Variants in ARHGEF38 observed in about 807,000 individuals in gnomAD.
ARHGEF38 encodes Rho guanine nucleotide exchange factor 38.
A neutral mutation model predicts 79.9 loss-of-function variants in ARHGEF38; 79 were observed. The observed-to-expected ratio is 0.99, with a 90% CI of 0.82 to 1.19. The LOEUF is 1.19. Among genes scored for constraint, ARHGEF38 ranks in the 50% most tolerant of loss-of-function variants. The pLI is 0.00. For missense variants in ARHGEF38, 962 were observed against 907.2 expected (o/e 1.06, Z -0.78); for synonymous variants, 366 against 328.3 (o/e 1.11, Z -1.24).
chr4:105,634,657 G>A (rs1177714948), intron 4 of ARHGEF38, among the ~76,000 whole-genome samples: 1 of 152,098 alleles, frequency 6.6e-6, no homozygotes, highest in Non-Finnish European at 1.5e-5. Flanking sequence ...TAAAGTCCCT[G>A]CTGCATTTCA....
At chr4:105,582,644 A>G (rs1578276844) in intron 1 of ARHGEF38, among the ~76,000 whole-genome samples, 1 of 152,110 alleles carries the variant, frequency 6.6e-6, no homozygotes. Context: ...TTAATTTATA[A>G]TGTATTTCTT....
intron 13 of ARHGEF38, among the ~76,000 whole-genome samples, chr4:105,674,075 G>T (rs1334675988): frequency 2.0e-5 from 3 of 152,132 alleles, no homozygotes; most frequent in Non-Finnish European, 4.4e-5. Flanking sequence ...AGTGAAGTCA[G>T]GTAATGTGGC....
At position 105,679,777 on chromosome 4, in the gene ARHGEF38, C is replaced by T. The variant is rs550670697; in HGVS notation, c.*1840C>T. 39 of 971,354 alleles carry T rather than the reference C, an allele frequency of 4.0e-5. No homozygotes were observed. The East Asian group carries it at 8.6e-4, about 21-fold the overall frequency. 60.2% of individuals were successfully genotyped at this position (971,354 alleles called of 1,614,324 possible). A position where few individuals can be genotyped will look rare whatever the true frequency, so the allele number is the denominator to read the frequency against. On this transcript the variant is annotated 3_prime_UTR_variant, in exon 14 of 14. Coordinates refer to ENST00000420470, the MANE Select transcript of ARHGEF38 (RefSeq NM_001242729.2). ...TTGGTTGATAAAAACATATACAAAC[C>T]CCTGTCTGTCCAGCTTTACCCACGC...
intron 1 of ARHGEF38, among the ~76,000 whole-genome samples, chr4:105,579,338 G>T (rs1235988717): frequency 6.6e-6 from 1 of 152,096 alleles, no homozygotes; most frequent in African/African-American, 2.4e-5. Context: ...TTCAGCTTTT[G>T]CCCATTTAGT....
At chr4:105,574,726 A>C (rs1262958492) in intron 1 of ARHGEF38, among the ~76,000 whole-genome samples, 3 of 152,026 alleles carry the variant, frequency 2.0e-5, no homozygotes, top group Non-Finnish European at 4.4e-5. Flanking sequence ...GGATTAAAAA[A>C]ATTTTTTATT....
intron 7 of ARHGEF38, among the ~76,000 whole-genome samples, chr4:105,653,557 G>A (rs111416890): frequency 0.011 from 1,687 of 152,160 alleles, 40 homozygotes; most frequent in African/African-American, 0.038. Context: ...TCCTGACCTC[G>A]TGATCCGCCC....
chr4:105,639,751 A>C (rs1286988175), intron 5 of ARHGEF38, among the ~76,000 whole-genome samples: 1 of 152,050 alleles, frequency 6.6e-6, no homozygotes, highest in African/African-American at 2.4e-5. Context: ...ATGTATCAAT[A>C]CCAAACTGCT....
intron 2 of ARHGEF38, among the ~76,000 whole-genome samples, chr4:105,594,559 A>G (rs1727491581): frequency 1.3e-5 from 2 of 152,226 alleles, no homozygotes; most frequent in Admixed American, 6.5e-5. Flanking sequence ...CACTCCCAGT[A>G]AAAACAAAAC....
At chr4:105,603,315 A>G (rs150905803) in intron 2 of ARHGEF38, among the ~76,000 whole-genome samples, 89 of 152,266 alleles carry the variant, frequency 5.8e-4, no homozygotes, top group African/African-American at 2.1e-3. Flanking sequence ...ACTTATCCAA[A>G]GTCACACAGC....
chr4:105,630,172 T>C (rs1321268008), intron 3 of ARHGEF38, among the ~76,000 whole-genome samples: 1 of 152,016 alleles, frequency 6.6e-6, no homozygotes, highest in Non-Finnish European at 1.5e-5. Flanking sequence ...AGAGTAAAAA[T>C]AACTTGCTCA....
rs539017851 is a variant in ARHGEF38 at position 105,627,235 on chromosome 4, G to T, written c.509-3663G>T. Among the ~76,000 whole-genome samples the T allele has an allele frequency of 2.7e-4, 41 of 152,080 alleles. No individual in the cohort carries two copies. The South Asian group carries it at 8.5e-3, about 32-fold the overall frequency. ...ACACAACTGCTTCTTCCCTTTTATG[G>T]CATTTTCCTAAACAAAACCCGGGAC... On this transcript the variant is annotated intron_variant, in intron 3 of 13. Coordinates refer to ENST00000420470, the MANE Select transcript of ARHGEF38 (RefSeq NM_001242729.2).
rs1023253446 is a variant in ARHGEF38 at position 105,640,711 on chromosome 4, T to C, written c.674+4291T>C. Among the ~76,000 whole-genome samples, 5 of 152,170 alleles carry C rather than the reference T, an allele frequency of 3.3e-5. 1 individual carries two copies. The highest frequency in any genetic ancestry group is 3.3e-4 in the Admixed American group (5 of 15,260). On this transcript the variant is annotated intron_variant, in intron 5 of 13. Coordinates refer to ENST00000420470, the MANE Select transcript of ARHGEF38 (RefSeq NM_001242729.2). ...TAAGAACTTTGTATCTGAAATACTT[T>C]TCTTTTACTCTCACGCTTGGTTTAT...
chr4:105,555,718 G>T (rs1269165310), intron 1 of ARHGEF38, among the ~76,000 whole-genome samples: 2 of 152,022 alleles, frequency 1.3e-5, no homozygotes, highest in African/African-American at 4.8e-5. Flanking sequence ...TATTTAATTG[G>T]TTGTCCTTCA....
At chr4:105,615,583 C>T (rs541794247) in intron 3 of ARHGEF38, among the ~76,000 whole-genome samples, 4 of 152,264 alleles carry the variant, frequency 2.6e-5, no homozygotes, top group South Asian at 2.1e-4. Flanking sequence ...TAGTGTATTA[C>T]GTAAGCATTC....
chr4:105,673,504 C>G (rs761764759), intron 13 of ARHGEF38, among the ~76,000 whole-genome samples: 1 of 152,142 alleles, frequency 6.6e-6, no homozygotes, highest in Non-Finnish European at 1.5e-5. Flanking sequence ...CATTTTCCAG[C>G]TACCTATGAT....
chr4:105,604,647 A>C (rs1158057658), intron 2 of ARHGEF38, among the ~76,000 whole-genome samples: 1 of 152,122 alleles, frequency 6.6e-6, no homozygotes, highest in Non-Finnish European at 1.5e-5. Context: ...TTTCTTTCAG[A>C]TATTGGGCCT....
rs1405208224 is a variant in ARHGEF38 at position 105,678,590 on chromosome 4, A to G, written c.*653A>G. On this transcript the variant is annotated 3_prime_UTR_variant, in exon 14 of 14. Coordinates refer to ENST00000420470, the MANE Select transcript of ARHGEF38 (RefSeq NM_001242729.2). ...TTACTGAATGCACACTATATGCCAG[A>G]CATTGTTCTAAGTGCTTTATATGTA... The G allele has an allele frequency of 6.6e-6, 1 of 152,218 alleles. No individual in the cohort carries two copies. Among genetic ancestry groups the G allele is most frequent in the Non-Finnish European group, 1.5e-5 (1 of 68,038 alleles). 9.4% of individuals were successfully genotyped at this position (152,218 alleles called of 1,614,324 possible). A position where few individuals can be genotyped will look rare whatever the true frequency, so the allele number is the denominator to read the frequency against.
chr4:105,608,911 C>A (rs1298994730), intron 2 of ARHGEF38, among the ~76,000 whole-genome samples: 2 of 151,964 alleles, frequency 1.3e-5, no homozygotes, highest in East Asian at 3.9e-4. Flanking sequence ...TATTAACACC[C>A]CTTATCAGAT....
At chr4:105,565,499 A>G (rs1725843835) in intron 1 of ARHGEF38, among the ~76,000 whole-genome samples, 1 of 152,198 alleles carries the variant, frequency 6.6e-6, no homozygotes, top group Admixed American at 6.6e-5. Flanking sequence ...GAGGGATGAA[A>G]GAACATTTAT....
Sources: allele counts gnomAD v4.1 joint callset (sites outside exome capture counted in the v4.1 genomes callset), GRCh38; gene constraint gnomAD v4.1.1; transcripts MANE v1.5; gene names NCBI Gene and HGNC (gene_info 2026-07-23, HGNC 2026-07-21).